The following CNTN3 variants were observed in gnomAD, a reference collection of about 807,000 sequenced individuals.
The protein encoded by CNTN3 is contactin 3.
In CNTN3, 60 loss-of-function variants were observed where a neutral mutation model predicts 119.1. That is an observed-to-expected ratio of 0.50 (90% CI 0.41 to 0.62). The LOEUF (loss-of-function observed/expected upper bound fraction) is 0.62, where lower values mean the gene tolerates loss of function less well. Ranked by LOEUF, CNTN3 falls within the 20% of genes least tolerant of loss-of-function variation. The pLI is 0.00. For missense variants in CNTN3, 1,101 were observed against 1,242.4 expected (o/e 0.89, Z 1.71); for synonymous variants, 450 against 438.7 (o/e 1.03, Z -0.32).
At chr3:74,526,233 G>C (rs1444412394) in intron 1 of CNTN3, among the ~76,000 whole-genome samples, 1 of 151,094 alleles carries the variant, frequency 6.6e-6, no homozygotes, top group Non-Finnish European at 1.5e-5. Context: ...AAAAACTTGA[G>C]CAGCTTACCG....
intron 13 of CNTN3, among the ~76,000 whole-genome samples, chr3:74,314,175 G>C (rs1381041552): frequency 6.6e-6 from 1 of 151,874 alleles, no homozygotes; most frequent in African/African-American, 2.4e-5. Flanking sequence ...GCTATGAAAT[G>C]AGAAAAAAAG....
rs140413516 is a variant in CNTN3, at chr3:74,524,096, G to C, written c.-80-2904C>G. Among the ~76,000 whole-genome samples the C allele has an allele frequency of 4.7e-3, 717 of 152,044 alleles. 25 individuals carry two copies. The highest frequency in any genetic ancestry group is 0.043 in the Admixed American group (650 of 15,244). Reference sequence around the variant, plus strand: ...ACCATGTGAAAATTGTTTCAGGAAAGTGTATGAGAAGGCATAAAGAAGGTG... The same window carrying C: ...ACCATGTGAAAATTGTTTCAGGAAACTGTATGAGAAGGCATAAAGAAGGTG... On this transcript the variant is annotated intron_variant, in intron 1 of 22. Coordinates refer to ENST00000263665, the MANE Select transcript of CNTN3 (RefSeq NM_020872.3).
chr3:74,599,918 A>C (rs1704880416), intron 1 of CNTN3, among the ~76,000 whole-genome samples: 3 of 152,040 alleles, frequency 2.0e-5, no homozygotes, highest in African/African-American at 7.2e-5. Context: ...ATGAAGAGAG[A>C]ACATTATGTT....
chr3:74,409,826 C>T lies in CNTN3; in HGVS notation c.454+15019G>A, dbSNP rs72898318. ...TCCATTCAATTTGGATTTTTTCACTCATTTTACTTCCCGGAAAATGCCTTC... is the reference window on the plus strand; with the variant it reads ...TCCATTCAATTTGGATTTTTTCACTTATTTTACTTCCCGGAAAATGCCTTC... On this transcript the variant is annotated intron_variant, in intron 5 of 22. Transcript: ENST00000263665. Among the ~76,000 whole-genome samples, 337 of 152,246 alleles carry T rather than the reference C, an allele frequency of 2.2e-3. 2 individuals carry two copies. Among genetic ancestry groups the T allele is most frequent in the African/African-American group, 7.9e-3 (328 of 41,560 alleles).
At chr3:74,349,508 G>A (rs1460338218) in intron 11 of CNTN3, among the ~76,000 whole-genome samples, 1 of 152,196 alleles carries the variant, frequency 6.6e-6, no homozygotes, top group African/African-American at 2.4e-5. Flanking sequence ...AATGCAAGGA[G>A]AATTCTGCTT....
intron 1 of CNTN3, among the ~76,000 whole-genome samples, chr3:74,523,229 T>A (rs1389189259): frequency 6.6e-6 from 1 of 151,866 alleles, no homozygotes; most frequent in Non-Finnish European, 1.5e-5. Context: ...CTTCTAATCA[T>A]GCATTTGAGG....
At chr3:74,440,605 A>C (rs1056886833) in intron 4 of CNTN3, among the ~76,000 whole-genome samples, 11 of 152,080 alleles carry the variant, frequency 7.2e-5, no homozygotes, top group African/African-American at 2.7e-4. Context: ...GATCAAAAAT[A>C]TTTGGAAAAA....
chr3:74,450,260 T>A (rs1271848048), intron 4 of CNTN3, among the ~76,000 whole-genome samples: 4 of 152,102 alleles, frequency 2.6e-5, no homozygotes, highest in Non-Finnish European at 2.9e-5. Context: ...TTTTTAATCT[T>A]GCAGTTATAA....
At chr3:74,549,987 T>C (rs967415907) in intron 1 of CNTN3, among the ~76,000 whole-genome samples, 21 of 152,184 alleles carry the variant, frequency 1.4e-4, no homozygotes, top group African/African-American at 4.8e-4. Flanking sequence ...TAATGGTACA[T>C]TACATGATGA....
At chr3:74,284,530 T>G (rs854710) in intron 20 of CNTN3, among the ~76,000 whole-genome samples, 19,718 of 152,180 alleles carry the variant, frequency 0.13, 1,295 homozygotes, top group East Asian at 0.19. Context: ...TTACTTGGGA[T>G]ACAGAATGTT....
chr3:74,354,877 T>C (rs1703901007), intron 11 of CNTN3, among the ~76,000 whole-genome samples: 1 of 152,166 alleles, frequency 6.6e-6, no homozygotes, highest in South Asian at 2.1e-4. Flanking sequence ...TTCTCTCTAC[T>C]GATAACTTGT....
intron 19 of CNTN3, among the ~76,000 whole-genome samples, chr3:74,288,652 G>A (rs1289565145): frequency 1.3e-5 from 2 of 152,112 alleles, no homozygotes; most frequent in Non-Finnish European, 1.5e-5. Context: ...TTTCACAAGC[G>A]TAGACTTGTT....
intron 13 of CNTN3, among the ~76,000 whole-genome samples, chr3:74,331,558 A>G (rs1703265865): frequency 6.6e-6 from 1 of 152,214 alleles, no homozygotes; most frequent in African/African-American, 2.4e-5. Context: ...TCACTCACCC[A>G]TGGGCATCAA....
chr3:74,600,187 A>T (rs1704886193), intron 1 of CNTN3, among the ~76,000 whole-genome samples: 1 of 152,036 alleles, frequency 6.6e-6, no homozygotes, highest in Non-Finnish European at 1.5e-5. Flanking sequence ...AGCCTTGGAA[A>T]GAAAGGAAGA....
chr3:74,310,475 T>A (rs560883638), intron 13 of CNTN3, among the ~76,000 whole-genome samples: 1 of 152,176 alleles, frequency 6.6e-6, no homozygotes, highest in Non-Finnish European at 1.5e-5. Flanking sequence ...CAAGCTTGTT[T>A]ATTTGACCAG....
intron 5 of CNTN3, among the ~76,000 whole-genome samples, chr3:74,422,788 C>T (rs773528516): frequency 2.5e-4 from 38 of 152,256 alleles, no homozygotes; most frequent in Middle Eastern, 3.4e-3. Flanking sequence ...TACTTCCTTC[C>T]TAGATGTAGT....
chr3:74,555,446 T>A (rs1196409125), intron 1 of CNTN3, among the ~76,000 whole-genome samples: 1 of 152,120 alleles, frequency 6.6e-6, no homozygotes, highest in Non-Finnish European at 1.5e-5. Flanking sequence ...TTAGGGAGGA[T>A]TGCCTCTTTT....
At chr3:74,421,446 G>C (rs1302049525) in intron 5 of CNTN3, among the ~76,000 whole-genome samples, 1 of 152,120 alleles carries the variant, frequency 6.6e-6, no homozygotes, top group Non-Finnish European at 1.5e-5. Context: ...CTGGATTACA[G>C]GCATGAGCCA....
In CNTN3 at chr3:74,474,142, G is replaced by T. The variant is rs540636275; in HGVS notation, c.358+12314C>A. ...GAGGCGAGCTGACTCTCATTCACAG[G>T]TGGTACTGGTGGGAAGAGTGAGCAG... On this transcript the variant is annotated intron_variant, in intron 4 of 22. Coordinates refer to ENST00000263665, the MANE Select transcript of CNTN3 (RefSeq NM_020872.3). 1.6e-3 allele frequency among the ~76,000 whole-genome samples: 245 copies of T among 152,236 alleles called. 1 individual carries two copies. Among genetic ancestry groups the T allele is most frequent in the African/African-American group, 5.7e-3 (238 of 41,540 alleles).
Sources: gnomAD v4.1 joint callset for allele counts (sites outside exome capture counted in the v4.1 genomes callset) on GRCh38, gnomAD v4.1.1 for gene constraint, MANE v1.5 for transcripts, NCBI Gene and HGNC (gene_info 2026-07-23, HGNC 2026-07-21) for gene names.